The following GALNT13 variants were observed in gnomAD, a reference collection of about 807,000 sequenced individuals.
GALNT13 encodes the protein UDP-GalNAc:polypeptide N-acetylgalactosaminyltransferase 13.
A neutral mutation model predicts 64.2 loss-of-function variants in GALNT13; 28 were observed. The observed-to-expected ratio is 0.44, with a 90% CI of 0.32 to 0.60. The LOEUF (loss-of-function observed/expected upper bound fraction) is 0.60. GALNT13 is among the 20% of genes least tolerant of loss of function. The pLI is 0.05. For missense variants in GALNT13, 577 were observed against 669.8 expected, an observed-to-expected ratio of 0.86 and a Z score of 1.53; for synonymous variants, 214 against 224.6, an observed-to-expected ratio of 0.95 and a Z score of 0.42.
At chr2:153,878,363 A>C (rs2105229904) in intron 1 of GALNT13, among the ~76,000 whole-genome samples, 1 of 152,268 alleles carries the variant, frequency 6.6e-6, no homozygotes, top group East Asian at 1.9e-4. Context: ...TCTTACTCTG[A>C]ACCACTGTGA....
chr2:153,371,842 A>G, the GALNT13 span, among the ~76,000 whole-genome samples: 3 of 152,196 alleles, frequency 2.0e-5, no homozygotes, highest in African/African-American at 7.2e-5. Context: ...ATCTTTGGAT[A>G]CTTTTTAGAA....
the GALNT13 span, among the ~76,000 whole-genome samples, chr2:153,293,787 G>A: frequency 8.2e-6 from 1 of 121,464 alleles, no homozygotes; most frequent in African/African-American, 3.6e-5. Flanking sequence ...GTGTGTGTGT[G>A]TGTGTCTGTG....
the GALNT13 span, among the ~76,000 whole-genome samples, chr2:153,436,039 T>G: frequency 1.5e-3 from 224 of 152,230 alleles, no homozygotes; most frequent in African/African-American, 3.2e-3. Flanking sequence ...TAGCATGAAG[T>G]GCTGTTGAAT....
intron 4 of GALNT13, among the ~76,000 whole-genome samples, chr2:154,160,598 A>G (rs1160539637): frequency 1.3e-5 from 2 of 152,094 alleles, no homozygotes; most frequent in African/African-American, 2.4e-5. Flanking sequence ...TTACTATCCC[A>G]TCACATTCTG....
At chr2:153,620,080 T>C in the GALNT13 span, among the ~76,000 whole-genome samples, 1 of 152,006 alleles carries the variant, frequency 6.6e-6, no homozygotes, top group Non-Finnish European at 1.5e-5. Context: ...GGGAAATAAC[T>C]CTTAGATTTT....
chr2:153,374,063 GTTTAAAACAT>G, the GALNT13 span, among the ~76,000 whole-genome samples: 1 of 152,150 alleles, frequency 6.6e-6, no homozygotes, highest in African/African-American at 2.4e-5. Context: ...GAATAACACT[GTTTAAAACAT>G]TGGTGTGCAA....
At chr2:154,435,187 T>A (rs183171898) in intron 11 of GALNT13, among the ~76,000 whole-genome samples, 2 of 152,322 alleles carry the variant, frequency 1.3e-5, no homozygotes, top group Admixed American at 1.3e-4. Flanking sequence ...ATAAAGCAAT[T>A]TGAGAGATAA....
chr2:154,246,743 G>T (rs1689803238), intron 7 of GALNT13, among the ~76,000 whole-genome samples: 1 of 151,996 alleles, frequency 6.6e-6, no homozygotes, highest in African/African-American at 2.4e-5. Context: ...GAACATGAGA[G>T]AAATACCCTA....
At chr2:153,624,018 A>C in the GALNT13 span, among the ~76,000 whole-genome samples, 2 of 152,114 alleles carry the variant, frequency 1.3e-5, no homozygotes, top group African/African-American at 2.4e-5. Flanking sequence ...CTAACCATGA[A>C]CATGCCTATA....
chr2:154,081,042 C>G (rs1316879713), intron 3 of GALNT13, among the ~76,000 whole-genome samples: 2 of 151,440 alleles, frequency 1.3e-5, no homozygotes, highest in East Asian at 1.9e-4. Flanking sequence ...ATCCAAGATT[C>G]CTTTATACTC....
At chr2:154,262,220 G>A (rs1254194981) in intron 8 of GALNT13, among the ~76,000 whole-genome samples, 1 of 152,116 alleles carries the variant, frequency 6.6e-6, no homozygotes, top group African/African-American at 2.4e-5. Flanking sequence ...GCTAAGAGTT[G>A]ACCCGCAGCA....
chr2:153,244,954 A>T, the GALNT13 span, among the ~76,000 whole-genome samples: 9 of 152,326 alleles, frequency 5.9e-5, no homozygotes, highest in East Asian at 1.7e-3. Flanking sequence ...ATGGGCATCC[A>T]CCATTACTGA....
At chr2:153,817,957 GA>G in the GALNT13 span, among the ~76,000 whole-genome samples, 3 of 152,120 alleles carry the variant, frequency 2.0e-5, no homozygotes, top group Non-Finnish European at 4.4e-5. Flanking sequence ...GCATGGAAAG[GA>G]AACAAAGAGT....
the GALNT13 span, among the ~76,000 whole-genome samples, chr2:153,408,750 G>C: frequency 6.6e-6 from 1 of 151,622 alleles, no homozygotes; most frequent in Admixed American, 6.6e-5. Flanking sequence ...AAACTAATTA[G>C]CCTATTGTGA....
the GALNT13 span, among the ~76,000 whole-genome samples, chr2:153,289,558 A>T: frequency 6.6e-6 from 1 of 152,176 alleles, no homozygotes; most frequent in Non-Finnish European, 1.5e-5. Flanking sequence ...TTGGTGAGTT[A>T]TTTAGGATTT....
the GALNT13 span, among the ~76,000 whole-genome samples, chr2:153,704,388 AT>A: frequency 6.3e-3 from 956 of 152,344 alleles, 10 homozygotes; most frequent in African/African-American, 0.022. Flanking sequence ...TGAGCATCAT[AT>A]TAACTTTTCC....
At chr2:153,319,052 A>G in the GALNT13 span, among the ~76,000 whole-genome samples, 1 of 152,200 alleles carries the variant, frequency 6.6e-6, no homozygotes. Flanking sequence ...TTCCTCTCAT[A>G]ACATAAAAGG....
At chr2:153,544,733 T>C in the GALNT13 span, among the ~76,000 whole-genome samples, 1 of 152,254 alleles carries the variant, frequency 6.6e-6, no homozygotes, top group African/African-American at 2.4e-5. Flanking sequence ...CAGTGTTCTG[T>C]AGCTGAGAAC....
At position 154,146,122 on chromosome 2, in the gene GALNT13, GTA is replaced by G. The variant is rs145353166; in HGVS notation, c.311+5619_311+5620del. Reference sequence around the variant, plus strand: ...GCCTGTATGTTTACATATGCACAATGTATGTGTGTGTGTGTATATATATATAT... The same window carrying G: ...GCCTGTATGTTTACATATGCACAATGTGTGTGTGTGTGTATATATATATAT... On this transcript the variant is annotated intron_variant, in intron 4 of 12. Transcript: ENST00000392825. Among the ~76,000 whole-genome samples the G allele has an allele frequency of 0.058, 8,394 of 145,654 alleles. 1,091 individuals are homozygous for G. The East Asian group carries it at 0.6, about 10-fold the overall frequency.
Sources: gnomAD v4.1 joint callset for allele counts (sites outside exome capture counted in the v4.1 genomes callset) on GRCh38, gnomAD v4.1.1 for gene constraint, MANE v1.5 for transcripts, NCBI Gene and HGNC (gene_info 2026-07-23, HGNC 2026-07-21) for gene names.